The following ATP6V1C1 variants were observed in gnomAD, a reference collection of about 807,000 sequenced individuals.
The protein encoded by ATP6V1C1 is ATPase H+ transporting V1 subunit C1.
ATP6V1C1 carries 45 observed loss-of-function variants against 53.9 expected under a neutral mutation model. The ratio of observed to expected loss-of-function variants is 0.83; its 90% CI spans 0.66 to 1.07. ATP6V1C1 has a LOEUF of 1.07. Ranked by LOEUF, ATP6V1C1 falls within the 50% of genes least tolerant of loss-of-function variation. The pLI is 0.00. For missense variants in ATP6V1C1, 315 were observed against 440.3 expected, an observed-to-expected ratio of 0.72 and a Z score of 2.55; for synonymous variants, 153 against 155.2, an observed-to-expected ratio of 0.99 and a Z score of 0.11.
intron 11 of ATP6V1C1, among the ~76,000 whole-genome samples, chr8:103,065,915 G>A (rs985890093): frequency 1.3e-5 from 2 of 151,884 alleles, no homozygotes; most frequent in African/African-American, 4.8e-5. Flanking sequence ...GGTGGTATGT[G>A]CCTGTAATCC....
chr8:103,063,229 G>A lies in ATP6V1C1; in HGVS notation c.828+1G>A. 1 of 1,570,896 alleles carries A rather than the reference G, an allele frequency of 6.4e-7. No homozygotes were observed. Among genetic ancestry groups the A allele is most frequent in the Non-Finnish European group, 8.7e-7 (1 of 1,146,036 alleles). ...TTCTACTGATAAGAAAAAACAATTTGTATGTGTTTTTAATATTTAGTATTA... is the reference window on the plus strand; with the variant it reads ...TTCTACTGATAAGAAAAAACAATTTATATGTGTTTTTAATATTTAGTATTA... On this transcript the variant is annotated splice_donor_variant, in intron 10 of 12. Transcript: ENST00000518738. LOFTEE classifies it high-confidence loss of function.
intron 4 of ATP6V1C1, among the ~76,000 whole-genome samples, chr8:103,049,868 G>T (rs1172808725): frequency 1.3e-5 from 2 of 152,056 alleles, no homozygotes; most frequent in Non-Finnish European, 2.9e-5. Context: ...GAGGAGGGGG[G>T]ATTGCTTGAG....
chr8:103,033,310 G>A (rs745424760), intron 1 of ATP6V1C1, among the ~76,000 whole-genome samples: 4 of 152,134 alleles, frequency 2.6e-5, no homozygotes, highest in Non-Finnish European at 4.4e-5. Flanking sequence ...CTTACAATGG[G>A]TGCATTTAAT....
At chr8:103,059,411 A>G (rs978492994) in intron 8 of ATP6V1C1, among the ~76,000 whole-genome samples, 3 of 152,116 alleles carry the variant, frequency 2.0e-5, no homozygotes, top group Non-Finnish European at 4.4e-5. Context: ...CTCAGACTCA[A>G]ACTCTCTAGT....
chr8:103,072,038 AT>A lies in ATP6V1C1; in HGVS notation c.*3296del, dbSNP rs1817596348. 1 of 152,062 alleles carries A rather than the reference AT, an allele frequency of 6.6e-6. No homozygotes were observed. The highest frequency in any genetic ancestry group is 1.5e-5 in the Non-Finnish European group (1 of 68,004). The allele number at this position is 152,062 out of a possible 1,614,324, so 9.4% of individuals were successfully genotyped here. On this transcript the variant is annotated 3_prime_UTR_variant, in exon 13 of 13. Transcript: ENST00000518738. Reference sequence around the variant, plus strand: ...TAGCCTCAGTTATTCAACCTAGGAGATTTTTCTACCTCTTTACTACCCTGCT... The same window carrying A: ...TAGCCTCAGTTATTCAACCTAGGAGATTTTCTACCTCTTTACTACCCTGCT...
chr8:103,025,961 C>T (rs1816687253), intron 1 of ATP6V1C1, among the ~76,000 whole-genome samples: 2 of 152,166 alleles, frequency 1.3e-5, no homozygotes, highest in Non-Finnish European at 2.9e-5. Context: ...TACCGTGGTC[C>T]AGTCACTATT....
At chr8:103,027,642 G>T (rs1194342143) in intron 1 of ATP6V1C1, among the ~76,000 whole-genome samples, 3 of 142,996 alleles carry the variant, frequency 2.1e-5, no homozygotes, top group East Asian at 2.0e-4. Context: ...TGGATCTAGG[G>T]TTTTTTTTTT....
At chr8:103,032,030 A>C (rs1167388377) in intron 1 of ATP6V1C1, among the ~76,000 whole-genome samples, 1 of 152,014 alleles carries the variant, frequency 6.6e-6, no homozygotes, top group Non-Finnish European at 1.5e-5. Context: ...AAAAAACAAA[A>C]AAAACCCAAA....
chr8:103,037,729 A>G (rs1816923543), intron 1 of ATP6V1C1, among the ~76,000 whole-genome samples: 1 of 152,234 alleles, frequency 6.6e-6, no homozygotes, highest in Admixed American at 6.5e-5. Flanking sequence ...AGTATTTCAG[A>G]TATACAGAAA....
intron 3 of ATP6V1C1, among the ~76,000 whole-genome samples, chr8:103,046,681 A>G (rs916349107): frequency 3.3e-5 from 5 of 151,482 alleles, no homozygotes; most frequent in Admixed American, 1.3e-4. Context: ...TTTAAAAATC[A>G]TGTCGTTGTT....
chr8:103,027,642 G>GTT (rs74799290), intron 1 of ATP6V1C1, among the ~76,000 whole-genome samples: 37 of 143,006 alleles, frequency 2.6e-4, no homozygotes, highest in African/African-American at 8.9e-4. Context: ...TGGATCTAGG[G>GTT]TTTTTTTTTT....
At chr8:103,063,295 G>C (rs1292132355) in intron 10 of ATP6V1C1, 67 bp downstream of exon 10, 8 of 1,041,076 alleles carry the variant, frequency 7.7e-6, no homozygotes, top group Non-Finnish European at 9.6e-6. Context: ...GCTTTCCTTT[G>C]ATTTAAAAGA....
At chr8:103,057,250 G>A (rs11984603) in intron 8 of ATP6V1C1, among the ~76,000 whole-genome samples, 9,483 of 152,222 alleles carry the variant, frequency 0.062, 979 homozygotes, top group African/African-American at 0.21. Flanking sequence ...TGTAAATGAC[G>A]TGGTAGCCTG....
intron 9 of ATP6V1C1, 33 bp from the exon 10 acceptor site, chr8:103,063,102 T>G (rs1001647359): frequency 1.2e-6 from 2 of 1,610,212 alleles, no homozygotes; most frequent in Non-Finnish European, 8.5e-7. Context: ...GTATACAATG[T>G]GAACAATTTT....
intron 4 of ATP6V1C1, among the ~76,000 whole-genome samples, chr8:103,050,360 C>T (rs890360746): frequency 5.3e-5 from 8 of 152,080 alleles, no homozygotes; most frequent in African/African-American, 1.9e-4. Flanking sequence ...AAATACCATC[C>T]GTGTTGTTGA....
chr8:103,021,610 C>T (rs1228620540), intron 1 of ATP6V1C1, among the ~76,000 whole-genome samples: 2 of 126,726 alleles, frequency 1.6e-5, no homozygotes, highest in Admixed American at 1.9e-4. Flanking sequence ...GCGCAAGTGC[C>T]TTCACTGGGT....
chr8:103,067,042 A>AT (rs1398666211), intron 12 of ATP6V1C1, among the ~76,000 whole-genome samples: 1 of 151,800 alleles, frequency 6.6e-6, no homozygotes, highest in African/African-American at 2.4e-5. Context: ...CAAAACTGTT[A>AT]TTTTTTAAAC....
intron 3 of ATP6V1C1, among the ~76,000 whole-genome samples, chr8:103,048,556 G>C (rs1408498728): frequency 6.6e-6 from 1 of 152,072 alleles, no homozygotes; most frequent in Non-Finnish European, 1.5e-5. Context: ...CTAGTTTCTT[G>C]GCATATAAAT....
At chr8:103,047,292 T>C (rs1817113799) in intron 3 of ATP6V1C1, among the ~76,000 whole-genome samples, 1 of 151,608 alleles carries the variant, frequency 6.6e-6, no homozygotes. Context: ...CTGTAATCCC[T>C]CCTGCTTGAG....
Sources: allele counts gnomAD v4.1 joint callset (sites outside exome capture counted in the v4.1 genomes callset), GRCh38; gene constraint gnomAD v4.1.1; transcripts MANE v1.5; gene names NCBI Gene and HGNC (gene_info 2026-07-23, HGNC 2026-07-21).